Variants in SREK1IP1 observed in about 807,000 individuals in gnomAD.
SREK1IP1 encodes SREK1 interacting protein 1.
SREK1IP1 carries 12 observed loss-of-function variants against 22.8 expected under a neutral mutation model. That is an observed-to-expected ratio of 0.53 (90% CI 0.34 to 0.85). SREK1IP1 has a LOEUF of 0.85. SREK1IP1 is among the 40% of genes least tolerant of loss of function. SREK1IP1 has a pLI of 0.02. For missense variants in SREK1IP1, 147 were observed against 171.8 expected (o/e 0.86, Z 0.81); for synonymous variants, 53 against 52.7 (o/e 1.01, Z -0.02).
intron 2 of SREK1IP1, among the ~76,000 whole-genome samples, chr5:64,751,931 C>T (rs1742748469): frequency 6.6e-6 from 1 of 151,990 alleles, no homozygotes; most frequent in Non-Finnish European, 1.5e-5. Flanking sequence ...GTTTTTATTT[C>T]CTGCTGCTGT....
chr5:64,720,878 C>A lies in SREK1IP1; in HGVS notation c.*3506G>T, dbSNP rs1046136910. 5 of 152,282 alleles carry A rather than the reference C, an allele frequency of 3.3e-5. No individual in the cohort carries two copies. The highest frequency in any genetic ancestry group is 1.2e-4 in the African/African-American group (5 of 41,464). 9.4% of individuals were successfully genotyped at this position (152,282 alleles called of 1,614,324 possible). A position where few individuals can be genotyped will look rare whatever the true frequency, so the allele number is the denominator to read the frequency against. The stretch of plus-strand genomic sequence containing the variant: ...TTCAAGCTCCCAAACACGGAACACA[C>A]GACTCCTTCCTCCTGTTCCTAAGAA... On this transcript the variant is annotated 3_prime_UTR_variant, in exon 5 of 5. Coordinates refer to ENST00000513458, the MANE Select transcript of SREK1IP1 (RefSeq NM_173829.4).
rs1171675605 is a variant in SREK1IP1, at chr5:64,722,704, C to T, written c.*1680G>A. The T allele has an allele frequency of 1.3e-5, 2 of 152,290 alleles. No homozygotes were observed. The highest frequency in any genetic ancestry group is 4.8e-5 in the African/African-American group (2 of 41,568). The allele number at this position is 152,290 out of a possible 1,614,324, so 9.4% of individuals were successfully genotyped here. The stretch of plus-strand genomic sequence containing the variant: ...ACTGACTGACCTATTTAAACAAAAG[C>T]ATTTCCTTTTGAGAGGCCCAAATGA... On this transcript the variant is annotated 3_prime_UTR_variant, in exon 5 of 5. Transcript: ENST00000513458.
chr5:64,750,553 T>A (rs977226989), intron 2 of SREK1IP1, among the ~76,000 whole-genome samples: 1 of 152,198 alleles, frequency 6.6e-6, no homozygotes, highest in African/African-American at 2.4e-5. Flanking sequence ...TAGCATTTTT[T>A]ATTTGTCCTT....
chr5:64,767,149 C>T (rs774200413), intron 1 of SREK1IP1, among the ~76,000 whole-genome samples: 2 of 152,104 alleles, frequency 1.3e-5, no homozygotes, highest in Admixed American at 6.6e-5. Flanking sequence ...TCTTCCTTTA[C>T]GTATCCAGTT....
intron 1 of SREK1IP1, among the ~76,000 whole-genome samples, chr5:64,758,046 G>C (rs1742878421): frequency 6.7e-6 from 1 of 150,262 alleles, no homozygotes; most frequent in Non-Finnish European, 1.5e-5. Context: ...CTAATTTTTT[G>C]TATTTTTTTT....
At chr5:64,768,462 C>T in intron 1 of SREK1IP1, 43 bp downstream of exon 1, 1 of 1,614,008 alleles carries the variant, frequency 6.2e-7, no homozygotes, top group Non-Finnish European at 8.5e-7. Context: ...CCCTTGCGCT[C>T]CCTTCGGAGC....
intron 2 of SREK1IP1, among the ~76,000 whole-genome samples, chr5:64,747,384 C>T (rs1742656117): frequency 6.6e-6 from 1 of 152,132 alleles, no homozygotes; most frequent in African/African-American, 2.4e-5. Context: ...TAAACTCAGG[C>T]ATGGTTGAAA....
intron 1 of SREK1IP1, among the ~76,000 whole-genome samples, chr5:64,757,530 T>G (rs997444458): frequency 4.6e-5 from 7 of 152,330 alleles, no homozygotes; most frequent in Middle Eastern, 3.4e-3. Context: ...AAACACTAAG[T>G]AAATGCAGAA....
rs572293254 is a variant in SREK1IP1, at chr5:64,750,949, G to C, written c.61+3366C>G. On this transcript the variant is annotated intron_variant, in intron 2 of 4. Transcript: ENST00000513458. Reference sequence around the variant, plus strand: ...TCTCCATTTATCCCAGTTTCTTCCAGAAATTACTCAATGTTTTGTACCTCT... The same window carrying C: ...TCTCCATTTATCCCAGTTTCTTCCACAAATTACTCAATGTTTTGTACCTCT... Among the ~76,000 whole-genome samples the C allele has an allele frequency of 4.6e-5, 7 of 152,158 alleles. No homozygotes were observed. In the South Asian group the frequency reaches 1.5e-3, roughly 32 times the overall value.
At chr5:64,749,059 C>CATAATA (rs58434271) in intron 2 of SREK1IP1, among the ~76,000 whole-genome samples, 1,716 of 131,604 alleles carry the variant, frequency 0.013, 15 homozygotes, top group Admixed American at 0.019. Flanking sequence ...AGCTATGCCA[C>CATAATA]ATAATAATAA....
At chr5:64,768,475 G>C (rs572735920) in intron 1 of SREK1IP1, 30 bp downstream of exon 1, 1 of 1,613,960 alleles carries the variant, frequency 6.2e-7, no homozygotes, top group Non-Finnish European at 8.5e-7. Flanking sequence ...TTCGGAGCTC[G>C]GACGCAGAGG....
At chr5:64,745,200 T>G (rs1415825925) in intron 2 of SREK1IP1, among the ~76,000 whole-genome samples, 1 of 152,218 alleles carries the variant, frequency 6.6e-6, no homozygotes, top group Non-Finnish European at 1.5e-5. Context: ...TTGTGGTTGC[T>G]GTTGACATAA....
intron 2 of SREK1IP1, among the ~76,000 whole-genome samples, chr5:64,752,265 T>C (rs908081578): frequency 6.7e-6 from 1 of 150,192 alleles, no homozygotes; most frequent in East Asian, 2.0e-4. Context: ...CATTCTCCTG[T>C]CTCAGCCTCC....
intron 3 of SREK1IP1, among the ~76,000 whole-genome samples, chr5:64,736,291 C>T (rs1742461085): frequency 6.6e-6 from 1 of 152,262 alleles, no homozygotes; most frequent in Admixed American, 6.5e-5. Flanking sequence ...GATAGTGTTA[C>T]TCAAGTCTTC....
At chr5:64,757,517 A>C (rs545325522) in intron 1 of SREK1IP1, among the ~76,000 whole-genome samples, 237 of 152,380 alleles carry the variant, frequency 1.6e-3, no homozygotes, top group African/African-American at 5.4e-3. Flanking sequence ...TTTCATCCAC[A>C]TAAAACACTA....
intron 3 of SREK1IP1, among the ~76,000 whole-genome samples, chr5:64,731,822 G>A: frequency 6.6e-6 from 1 of 152,100 alleles, no homozygotes; most frequent in East Asian, 1.9e-4. Context: ...GAAATTCCAA[G>A]AACTATTTTT....
rs1742195534 is a variant in SREK1IP1 at position 64,722,860 on chromosome 5, A to G, written c.*1524T>C. On this transcript the variant is annotated 3_prime_UTR_variant, in exon 5 of 5. Coordinates refer to ENST00000513458, the MANE Select transcript of SREK1IP1 (RefSeq NM_173829.4). ...TTAAGAGGAGTTATAAGGCTCCCTGAGTCTTACTGAGGGTATCCACATTGG... is the reference window on the plus strand; with the variant it reads ...TTAAGAGGAGTTATAAGGCTCCCTGGGTCTTACTGAGGGTATCCACATTGG... 1 of 152,226 alleles carries G rather than the reference A, an allele frequency of 6.6e-6. No individual in the cohort carries two copies. Among genetic ancestry groups the G allele is most frequent in the Non-Finnish European group, 1.5e-5 (1 of 68,042 alleles). 9.4% of individuals were successfully genotyped at this position (152,226 alleles called of 1,614,324 possible).
At chr5:64,753,867 G>A (rs2112107627) in intron 2 of SREK1IP1, among the ~76,000 whole-genome samples, 1 of 152,214 alleles carries the variant, frequency 6.6e-6, no homozygotes, top group East Asian at 1.9e-4. Context: ...ATTAATAATT[G>A]TTTAAATCAA....
chr5:64,728,271 G>A, intron 3 of SREK1IP1, 92 bp from the exon 4 acceptor site: 1 of 1,115,268 alleles, frequency 9.0e-7, no homozygotes, highest in South Asian at 3.4e-5. Context: ...TTTAGCTGTT[G>A]GTGAATTTCA....
Sources: allele counts gnomAD v4.1 joint callset (sites outside exome capture counted in the v4.1 genomes callset), GRCh38; gene constraint gnomAD v4.1.1; transcripts MANE v1.5; gene names NCBI Gene and HGNC (gene_info 2026-07-23, HGNC 2026-07-21).